CHRM3: variants seen among roughly 807,000 people sequenced by gnomAD.
The protein encoded by CHRM3 is cholinergic receptor muscarinic 3, also known as muscarinic acetylcholine receptor M3.
In CHRM3, 11 loss-of-function variants were observed where a neutral mutation model predicts 41.8. The observed-to-expected ratio is 0.26, with a 90% CI of 0.17 to 0.44. CHRM3 has a LOEUF of 0.44. Ranked by LOEUF, CHRM3 falls within the 20% of genes least tolerant of loss-of-function variation. CHRM3 has a pLI of 1.00. For synonymous variants in CHRM3, 297 were observed against 301.4 expected (o/e 0.99, Z 0.15); for missense variants, 571 against 745.4 (o/e 0.77, Z 2.72).
intron 6 of CHRM3, among the ~76,000 whole-genome samples, chr1:239,851,637 T>C (rs1282483855): frequency 6.6e-6 from 1 of 152,258 alleles, no homozygotes. Context: ...AATAGCAACA[T>C]CTGACACCTT....
At chr1:239,689,008 G>T (rs1467980521) in intron 5 of CHRM3, among the ~76,000 whole-genome samples, 4 of 149,794 alleles carry the variant, frequency 2.7e-5, no homozygotes, top group Non-Finnish European at 4.4e-5. Flanking sequence ...TATGACTTTG[G>T]CTTGCAGTAT....
chr1:239,794,073 G>A (rs903850134), intron 5 of CHRM3, among the ~76,000 whole-genome samples: 8 of 151,946 alleles, frequency 5.3e-5, no homozygotes, highest in African/African-American at 1.9e-4. Context: ...CCAAAGGGTT[G>A]GGATTACAGG....
chr1:239,456,469 C>T (rs1001580539), intron 1 of CHRM3, among the ~76,000 whole-genome samples: 1 of 152,116 alleles, frequency 6.6e-6, no homozygotes, highest in Non-Finnish European at 1.5e-5. Flanking sequence ...AGGTTGTATA[C>T]CATATAGCCT....
chr1:239,389,843 G>A (rs543440065), intron 1 of CHRM3, among the ~76,000 whole-genome samples: 26 of 152,182 alleles, frequency 1.7e-4, no homozygotes, highest in Non-Finnish European at 3.4e-4. Flanking sequence ...CGATTCCAGT[G>A]TGACTATTAA....
intron 5 of CHRM3, among the ~76,000 whole-genome samples, chr1:239,734,306 T>A (rs1446406414): frequency 6.6e-6 from 1 of 152,036 alleles, no homozygotes; most frequent in East Asian, 1.9e-4. Context: ...ACTGCTGAGG[T>A]CATGTCGAAA....
rs546796570 is a variant in CHRM3, at chr1:239,387,286, C to A, written c.-521+59C>A. On this transcript the variant is annotated intron_variant, in intron 1 of 6. Coordinates refer to ENST00000676153, the MANE Select transcript of CHRM3 (RefSeq NM_001375978.1). This position sits in a 1 kb window ranked among gnomAD's most constrained non-coding sequence, Gnocchi z 5.1. The stretch of plus-strand genomic sequence containing the variant: ...AGAGCGGGTGGCGGTAGCGGCTGAC[C>A]TGGTTTCTTGCCTTATCTCGTTGCG... 18 of 152,000 alleles carry A rather than the reference C, an allele frequency of 1.2e-4. No individual in the cohort carries two copies. Among genetic ancestry groups the A allele is most frequent in the Non-Finnish European group, 1.9e-4 (13 of 68,026 alleles). 9.4% of individuals were successfully genotyped at this position (152,000 alleles called of 1,614,324 possible). A position where few individuals can be genotyped will look rare whatever the true frequency, so the allele number is the denominator to read the frequency against.
chr1:239,452,650 G>A (rs984698477), intron 1 of CHRM3, among the ~76,000 whole-genome samples: 2 of 152,096 alleles, frequency 1.3e-5, no homozygotes, highest in African/African-American at 4.8e-5. Context: ...GTTACCCAAA[G>A]GGAGTATAAA....
intron 5 of CHRM3, among the ~76,000 whole-genome samples, chr1:239,751,990 C>T (rs989983295): frequency 1.3e-5 from 2 of 152,076 alleles, no homozygotes; most frequent in African/African-American, 4.8e-5. Flanking sequence ...TGAAGTTGCC[C>T]CAACAAAAGC....
chr1:239,527,906 C>G (rs551283385), intron 2 of CHRM3, among the ~76,000 whole-genome samples: 1 of 152,216 alleles, frequency 6.6e-6, no homozygotes, highest in South Asian at 2.1e-4. Context: ...TGTACTACAA[C>G]TTTTGATTTT....
intron 5 of CHRM3, among the ~76,000 whole-genome samples, chr1:239,815,572 C>T (rs907626907): frequency 6.6e-6 from 1 of 152,112 alleles, no homozygotes; most frequent in Non-Finnish European, 1.5e-5. Flanking sequence ...AAGCTTACAT[C>T]TTGCAAAAAA....
intron 1 of CHRM3, among the ~76,000 whole-genome samples, chr1:239,404,394 A>AAG (rs753792674): frequency 3.6e-4 from 29 of 80,224 alleles, no homozygotes; most frequent in African/African-American, 1.1e-3. Flanking sequence ...GAAAGAAAGA[A>AAG]AGAAAGAAAG....
Position 239,914,023 on chromosome 1 carries a change from C to A in CHRM3, c.*4799C>A. On this transcript the variant is annotated 3_prime_UTR_variant, in exon 7 of 7. Transcript: ENST00000676153. ...AAGGGGCTCACATCTCAGTTGCATT[C>A]TATTTAAAAGATAAAGGGGCCATAC... 1 of 167,082 alleles carries A rather than the reference C, an allele frequency of 6.0e-6. No homozygotes were observed. The allele number at this position is 167,082 out of a possible 1,614,324, so 10.3% of individuals were successfully genotyped here.
intron 6 of CHRM3, among the ~76,000 whole-genome samples, chr1:239,855,966 A>T (rs961003944): frequency 2.0e-5 from 3 of 152,156 alleles, no homozygotes; most frequent in African/African-American, 7.2e-5. Flanking sequence ...GTTTCTTAGC[A>T]GTTTCTCAGG....
At chr1:239,575,605 A>G (rs1662256580) in intron 3 of CHRM3, among the ~76,000 whole-genome samples, 1 of 152,008 alleles carries the variant, frequency 6.6e-6, no homozygotes, top group South Asian at 2.1e-4. Flanking sequence ...TGGGAAAGCT[A>G]TGCAGTATTT....
chr1:239,851,792 T>TA (rs1674715898), intron 6 of CHRM3, among the ~76,000 whole-genome samples: 1 of 152,118 alleles, frequency 6.6e-6, no homozygotes, highest in Non-Finnish European at 1.5e-5. Context: ...AAGCTAGCAT[T>TA]AAAAAGGTAT....
At chr1:239,866,076 G>A (rs973282708) in intron 6 of CHRM3, among the ~76,000 whole-genome samples, 1 of 152,084 alleles carries the variant, frequency 6.6e-6, no homozygotes, top group African/African-American at 2.4e-5. Flanking sequence ...GAGGCTTGGA[G>A]TGATTAAAAA....
At chr1:239,902,376 C>T (rs888801097) in intron 6 of CHRM3, among the ~76,000 whole-genome samples, 2 of 152,136 alleles carry the variant, frequency 1.3e-5, no homozygotes, top group African/African-American at 4.8e-5. Flanking sequence ...TTATACATCT[C>T]CTGGGCCAAC....
intron 5 of CHRM3, among the ~76,000 whole-genome samples, chr1:239,720,597 C>T (rs1028621214): frequency 6.6e-6 from 1 of 151,782 alleles, no homozygotes; most frequent in Non-Finnish European, 1.5e-5. Context: ...TAATCCTAAG[C>T]CTTAAAGGGT....
At chr1:239,719,409 A>G (rs917608080) in intron 5 of CHRM3, 1 of 151,994 alleles carries the variant, frequency 6.6e-6, no homozygotes. Flanking sequence ...GCAGTATTAC[A>G]GTTTCAGGGG....
Sources: gnomAD v4.1 joint callset for allele counts (sites outside exome capture counted in the v4.1 genomes callset) on GRCh38, gnomAD v4.1.1 for gene constraint, Gnocchi (gnomAD v3.1) non-coding constraint, MANE v1.5 for transcripts, NCBI Gene and HGNC (gene_info 2026-07-23, HGNC 2026-07-21) for gene names.